GSE1: variants seen among roughly 807,000 people sequenced by gnomAD.
The protein encoded by GSE1 is genetic suppressor element 1.
A neutral mutation model predicts 112.6 loss-of-function variants in GSE1; 32 were observed. That is an observed-to-expected ratio of 0.28 (90% CI 0.21 to 0.38). GSE1 has a LOEUF of 0.38. Ranked by LOEUF, GSE1 falls within the 10% of genes least tolerant of loss-of-function variation. GSE1 has a pLI of 1.00. For synonymous variants in GSE1, 1,115 were observed against 735.6 expected, an observed-to-expected ratio of 1.52 and a Z score of -8.35; for missense variants, 2,348 against 1,699.2, an observed-to-expected ratio of 1.38 and a Z score of -6.71.
At chr16:85,623,801 C>T (rs2048890527) in intron 1 of GSE1, among the ~76,000 whole-genome samples, 1 of 152,168 alleles carries the variant, frequency 6.6e-6, no homozygotes, top group Non-Finnish European at 1.5e-5. Flanking sequence ...GCCCTTTCTG[C>T]CCCCGCGCCA....
intron 2 of GSE1, among the ~76,000 whole-genome samples, chr16:85,546,512 G>C (rs1253793744): frequency 1.3e-5 from 2 of 152,266 alleles, no homozygotes; most frequent in African/African-American, 4.8e-5. Flanking sequence ...TGTAGGATTG[G>C]TGGGGAGCCA....
intron 2 of GSE1, among the ~76,000 whole-genome samples, chr16:85,638,275 G>A (rs1458796808): frequency 2.0e-5 from 3 of 152,196 alleles, no homozygotes; most frequent in Non-Finnish European, 4.4e-5. Flanking sequence ...GGAAGAGGAG[G>A]CCCTCGCTGG....
At chr16:85,584,050 C>A (rs2046572817) in intron 1 of GSE1, among the ~76,000 whole-genome samples, 3 of 152,230 alleles carry the variant, frequency 2.0e-5, no homozygotes, top group Admixed American at 6.5e-5. Flanking sequence ...TGATCAGTTT[C>A]ATTCTTGTCA....
intron 2 of GSE1, among the ~76,000 whole-genome samples, chr16:85,407,286 A>G (rs1490014353): frequency 1.0e-4 from 4 of 38,426 alleles, no homozygotes; most frequent in Admixed American, 8.6e-4. Flanking sequence ...GATAATCCTC[A>G]CTGTTACACT....
At chr16:85,427,661 A>G (rs985952784) in intron 2 of GSE1, among the ~76,000 whole-genome samples, 2 of 151,626 alleles carry the variant, frequency 1.3e-5, no homozygotes, top group South Asian at 4.2e-4. Flanking sequence ...GTGAAACCCC[A>G]TCTCTACTAA....
intron 1 of GSE1, among the ~76,000 whole-genome samples, chr16:85,200,460 C>A (rs1222316856): frequency 6.6e-6 from 1 of 151,940 alleles, no homozygotes; most frequent in Non-Finnish European, 1.5e-5. Flanking sequence ...TGTGGTTTCC[C>A]CCACGTCACA....
chr16:85,634,339 C>G (rs7405052), intron 2 of GSE1, among the ~76,000 whole-genome samples: 85,987 of 152,186 alleles, frequency 0.57, 24,975 homozygotes, highest in Non-Finnish European at 0.64. Flanking sequence ...GTGCTTCTGT[C>G]TCTCCTGCCT....
At chr16:85,655,679 T>C (rs1217349956) in intron 5 of GSE1, 47 bp from the exon 6 acceptor site, 2 of 1,335,530 alleles carry the variant, frequency 1.5e-6, no homozygotes, top group South Asian at 2.6e-5. Context: ...GGGCTGGGTC[T>C]TCCCCTTGGT....
chr16:85,555,179 T>G, upstream of GSE1: 1 of 985,402 alleles, frequency 1.0e-6, no homozygotes, highest in Non-Finnish European at 1.2e-6. Flanking sequence ...GAGACAAATC[T>G]GCTGTCAGGC....
chr16:85,269,393 C>G (rs1486319873), intron 1 of GSE1, among the ~76,000 whole-genome samples: 1 of 149,542 alleles, frequency 6.7e-6, no homozygotes, highest in East Asian at 1.9e-4. Flanking sequence ...AGGCTGTCAT[C>G]TGCGTCAGCG....
intron 1 of GSE1, among the ~76,000 whole-genome samples, chr16:85,235,466 G>GTGTGTT (rs1904515733): frequency 1.3e-5 from 2 of 148,926 alleles, no homozygotes; most frequent in African/African-American, 2.5e-5. Context: ...GTGTGTGTGT[G>GTGTGTT]TGTGTAGGGG....
In GSE1 at chr16:85,674,859, T is replaced by G. The variant is rs2053595199; in HGVS notation, c.*2320T>G. On this transcript the variant is annotated 3_prime_UTR_variant, in exon 16 of 16. Transcript: ENST00000253458. ...ACTTCTGCCCGGCCCTTGAGCTTCT[T>G]GCCCACTGTCTCCCCATCCTTCCAC... is the stretch of plus-strand genomic sequence containing the variant. The G allele has an allele frequency of 6.5e-6, 1 of 152,734 alleles. No homozygotes were observed. The highest frequency in any genetic ancestry group is 1.5e-5 in the Non-Finnish European group (1 of 68,070). The allele number at this position is 152,734 out of a possible 1,614,324, so 9.5% of individuals were successfully genotyped here. A position where few individuals can be genotyped will look rare whatever the true frequency, so the allele number is the denominator to read the frequency against.
chr16:85,254,645 G>C (rs369141206), intron 1 of GSE1, among the ~76,000 whole-genome samples: 1 of 152,150 alleles, frequency 6.6e-6, no homozygotes, highest in Non-Finnish European at 1.5e-5. Flanking sequence ...CGCTCGCTCT[G>C]ATCCTAAGCC....
intron 1 of GSE1, among the ~76,000 whole-genome samples, chr16:85,201,093 G>GA (rs750690423): frequency 4.6e-5 from 7 of 152,296 alleles, no homozygotes. Flanking sequence ...TTTTTCTGGA[G>GA]ACAGGGTCTT....
At chr16:85,401,982 C>T (rs938182760) in intron 2 of GSE1, among the ~76,000 whole-genome samples, 1 of 152,220 alleles carries the variant, frequency 6.6e-6, no homozygotes, top group Non-Finnish European at 1.5e-5. Flanking sequence ...GTCTGGAGCT[C>T]GCCCTGAGGG....
chr16:85,298,293 A>G (rs1163605381), intron 1 of GSE1, among the ~76,000 whole-genome samples: 2 of 152,170 alleles, frequency 1.3e-5, no homozygotes, highest in East Asian at 3.9e-4. Flanking sequence ...TCCAAGAGGC[A>G]AATTTGACAT....
At chr16:85,280,482 A>G (rs1355480266) in intron 1 of GSE1, among the ~76,000 whole-genome samples, 1 of 151,526 alleles carries the variant, frequency 6.6e-6, no homozygotes, top group Admixed American at 6.6e-5. Flanking sequence ...TGCAACCTCC[A>G]CCTCCTGGGT....
chr16:85,173,679 A>G (rs1194563779), intron 1 of GSE1, among the ~76,000 whole-genome samples: 3 of 152,102 alleles, frequency 2.0e-5, no homozygotes, highest in Non-Finnish European at 2.9e-5. Flanking sequence ...GTATTTTCTC[A>G]TGTGGATTTG....
Position 85,169,932 on chromosome 16 carries a change from C to G in GSE1, c.408C>G (p.Arg136=), listed in dbSNP as rs1167390199. The G allele has an allele frequency of 9.1e-6, 9 of 984,412 alleles. No homozygotes were observed. The African/African-American group carries it at 1.6e-4, about 17-fold the overall frequency. 61.0% of individuals were successfully genotyped at this position (984,412 alleles called of 1,614,324 possible). A position where few individuals can be genotyped will look rare whatever the true frequency, so the allele number is the denominator to read the frequency against. ...GCCGTGGCGGCGCCGGGGCCCCCCG[C>G]GAGTGGAACGTCGCCTACGCGCTGG... The change falls in exon 1 of 3, where the codon CGC becomes CGG. Residue 136 remains arginine, a synonymous_variant. Coordinates refer to the GSE1 transcript ENST00000637419.
Sources: allele counts gnomAD v4.1 joint callset (sites outside exome capture counted in the v4.1 genomes callset), GRCh38; gene constraint gnomAD v4.1.1; transcripts MANE v1.5; gene names NCBI Gene and HGNC (gene_info 2026-07-23, HGNC 2026-07-21).